GTF2F2: variants seen among roughly 807,000 people sequenced by gnomAD.
GTF2F2 encodes ATP-dependent helicase GTF2F2.
A neutral mutation model predicts 42.2 loss-of-function variants in GTF2F2; 23 were observed. The ratio of observed to expected loss-of-function variants is 0.55; its 90% CI spans 0.39 to 0.77. The LOEUF is 0.77. GTF2F2 is among the 30% of genes least tolerant of loss of function. The pLI, the probability that GTF2F2 is intolerant of heterozygous loss-of-function variation, is 0.00. For missense variants in GTF2F2, 261 were observed against 287.2 expected (o/e 0.91, Z 0.66); for synonymous variants, 105 against 100.8 (o/e 1.04, Z -0.25).
rs758451784 is a variant in GTF2F2 at position 45,120,718 on chromosome 13, C to G, written c.63C>G (p.Val21=). The G allele has an allele frequency of 3.9e-6, 6 of 1,554,432 alleles. No individual in the cohort carries two copies. The highest frequency in any genetic ancestry group is 5.2e-6 in the Non-Finnish European group (6 of 1,147,874). ...AACAGAACACAGGAGTGTGGCTAGTCAAGGTAATGTTCGCGAGTCTCCCAC... is the reference window on the plus strand; with the variant it reads ...AACAGAACACAGGAGTGTGGCTAGTGAAGGTAATGTTCGCGAGTCTCCCAC... ...GAKQNTGVWL[V]KVPKYLSQQW... The change falls in exon 1 of 8, where the codon GTC becomes GTG. Residue 21 remains valine, a synonymous_variant. Coordinates refer to ENST00000340473, the MANE Select transcript of GTF2F2 (RefSeq NM_004128.3).
At chr13:45,279,878 C>G (rs1194432939) in intron 7 of GTF2F2, among the ~76,000 whole-genome samples, 1 of 152,114 alleles carries the variant, frequency 6.6e-6, no homozygotes, top group African/African-American at 2.4e-5. Context: ...GCACTCCAGC[C>G]TGGGCAACGA....
At chr13:45,187,306 A>G (rs1250940820) in intron 4 of GTF2F2, among the ~76,000 whole-genome samples, 2 of 152,204 alleles carry the variant, frequency 1.3e-5, no homozygotes, top group African/African-American at 4.8e-5. Context: ...TAAATATCCA[A>G]TTCAGTATCT....
chr13:45,150,717 T>C (rs1358282317), intron 3 of GTF2F2, among the ~76,000 whole-genome samples: 1 of 141,762 alleles, frequency 7.1e-6, no homozygotes, highest in South Asian at 2.2e-4. Context: ...CTAATTTTTG[T>C]ATTTTTAGTA....
intron 5 of GTF2F2, among the ~76,000 whole-genome samples, chr13:45,242,256 C>CTTTTTTTT (rs71184405): frequency 9.5e-6 from 1 of 105,680 alleles, no homozygotes. Flanking sequence ...GCTGGCACTT[C>CTTTTTTTT]TTTTTTTTTT....
chr13:45,209,155 A>C (rs986015307), intron 5 of GTF2F2, among the ~76,000 whole-genome samples: 1 of 152,250 alleles, frequency 6.6e-6, no homozygotes, highest in Non-Finnish European at 1.5e-5. Flanking sequence ...AGTATGCTGA[A>C]AGATCAGCTG....
At chr13:45,274,863 G>C (rs772030455) in intron 7 of GTF2F2, among the ~76,000 whole-genome samples, 1 of 151,834 alleles carries the variant, frequency 6.6e-6, no homozygotes, top group Non-Finnish European at 1.5e-5. Context: ...AGTGAGCCCA[G>C]ATCGTGCCAC....
intron 5 of GTF2F2, among the ~76,000 whole-genome samples, chr13:45,210,735 T>A (rs1035525760): frequency 6.6e-6 from 1 of 152,204 alleles, no homozygotes; most frequent in Non-Finnish European, 1.5e-5. Context: ...AAGATGAGGT[T>A]TAAAATGTTA....
intron 5 of GTF2F2, among the ~76,000 whole-genome samples, chr13:45,246,307 G>A (rs1045162654): frequency 1.3e-5 from 2 of 151,982 alleles, no homozygotes; most frequent in East Asian, 1.9e-4. Context: ...CACCGCGCCC[G>A]GCCTATTTTT....
At chr13:45,174,000 T>C (rs1047734211) in intron 4 of GTF2F2, among the ~76,000 whole-genome samples, 1 of 152,202 alleles carries the variant, frequency 6.6e-6, no homozygotes, top group African/African-American at 2.4e-5. Flanking sequence ...GCATAAATTC[T>C]CTAGAGATTC....
chr13:45,202,672 G>T (rs1031860003), intron 4 of GTF2F2, among the ~76,000 whole-genome samples: 2 of 152,128 alleles, frequency 1.3e-5, no homozygotes, highest in Non-Finnish European at 2.9e-5. Context: ...CGTTTAGTTG[G>T]CTGGGCACGG....
At chr13:45,200,558 T>A (rs1873130032) in intron 4 of GTF2F2, among the ~76,000 whole-genome samples, 1 of 152,144 alleles carries the variant, frequency 6.6e-6, no homozygotes, top group Non-Finnish European at 1.5e-5. Flanking sequence ...CCTCCCAAAG[T>A]GTTGGGATTA....
chr13:45,275,900 C>T (rs1422298669), intron 7 of GTF2F2, among the ~76,000 whole-genome samples: 1 of 152,202 alleles, frequency 6.6e-6, no homozygotes, highest in African/African-American at 2.4e-5. Flanking sequence ...AATGGTTGAA[C>T]TAGTTTACAG....
At chr13:45,189,270 A>G (rs1872540791) in intron 4 of GTF2F2, among the ~76,000 whole-genome samples, 1 of 152,082 alleles carries the variant, frequency 6.6e-6, no homozygotes, top group Non-Finnish European at 1.5e-5. Context: ...TCCATCATGT[A>G]TATGTGCCAC....
rs549515081 is a variant in GTF2F2, at chr13:45,186,406, C to T, written c.305-21018C>T. 6.6e-5 allele frequency among the ~76,000 whole-genome samples: 10 copies of T among 151,876 alleles called. No individual in the cohort carries two copies. The East Asian group carries it at 1.5e-3, about 24-fold the overall frequency. Reference sequence around the variant, plus strand: ...TCCTAGGTTCAAATGATTCTCCTGCCTCAGCCTCCCAAGTAGCTGGGATTT... The same window carrying T: ...TCCTAGGTTCAAATGATTCTCCTGCTTCAGCCTCCCAAGTAGCTGGGATTT... On this transcript the variant is annotated intron_variant, in intron 4 of 7. Transcript: ENST00000340473.
chr13:45,245,970 A>G (rs1875580430), intron 5 of GTF2F2, among the ~76,000 whole-genome samples: 1 of 147,082 alleles, frequency 6.8e-6, no homozygotes, highest in Non-Finnish European at 1.5e-5. Context: ...TTCCCTTTTC[A>G]CCACATCCAC....
intron 7 of GTF2F2, among the ~76,000 whole-genome samples, chr13:45,279,731 C>T (rs528849117): frequency 6.6e-6 from 1 of 152,118 alleles, no homozygotes; most frequent in East Asian, 1.9e-4. Context: ...CATGGAGAAA[C>T]TCCGTCTCTC....
intron 5 of GTF2F2, among the ~76,000 whole-genome samples, chr13:45,230,183 TC>T (rs1202633637): frequency 6.6e-6 from 1 of 151,054 alleles, no homozygotes; most frequent in Non-Finnish European, 1.5e-5. Context: ...ACCACTGCAC[TC>T]CAGCCAGGGC....
At chr13:45,240,738 G>A (rs1423673210) in intron 5 of GTF2F2, among the ~76,000 whole-genome samples, 1 of 152,124 alleles carries the variant, frequency 6.6e-6, no homozygotes, top group African/African-American at 2.4e-5. Flanking sequence ...TGAAGCAGGA[G>A]AATCGCTTGA....
intron 4 of GTF2F2, among the ~76,000 whole-genome samples, chr13:45,205,497 CA>C (rs763460166): frequency 1.5e-4 from 23 of 152,102 alleles, no homozygotes; most frequent in Non-Finnish European, 2.1e-4. Context: ...AAATTATTTG[CA>C]GGGATAGTAG....
Sources: allele counts gnomAD v4.1 joint callset (sites outside exome capture counted in the v4.1 genomes callset), GRCh38; gene constraint gnomAD v4.1.1; transcripts MANE v1.5; gene names NCBI Gene and HGNC (gene_info 2026-07-23, HGNC 2026-07-21).